NCOA1: variants seen among roughly 807,000 people sequenced by gnomAD.
NCOA1 encodes Hin-2 protein.
NCOA1 carries 35 observed loss-of-function variants against 150.9 expected under a neutral mutation model. The ratio of observed to expected loss-of-function variants is 0.23; its 90% CI spans 0.18 to 0.31. NCOA1 has a LOEUF of 0.31. NCOA1 is among the 10% of genes least tolerant of loss of function. The pLI, the probability that NCOA1 is intolerant of heterozygous loss-of-function variation, is 1.00. For synonymous variants in NCOA1, 590 were observed against 630.0 expected (o/e 0.94, Z 0.95); for missense variants, 1,491 against 1,749.3 (o/e 0.85, Z 2.63).
intron 8 of NCOA1, among the ~76,000 whole-genome samples, chr2:24,684,417 T>TTACC (rs1303686906): frequency 1.3e-5 from 2 of 152,236 alleles, no homozygotes; most frequent in African/African-American, 4.8e-5. Flanking sequence ...AAGGGCCACA[T>TTACC]TACCTGTTCT....
chr2:24,739,366 T>TA, intron 17 of NCOA1, 66 bp from the exon 18 acceptor site: 3 of 1,139,118 alleles, frequency 2.6e-6, no homozygotes, highest in Non-Finnish European at 4.0e-6. Context: ...AAGTTTGTGT[T>TA]ACTTTATAAG....
intron 1 of NCOA1, among the ~76,000 whole-genome samples, chr2:24,497,588 C>A (rs1663279972): frequency 6.6e-6 from 1 of 152,042 alleles, no homozygotes; most frequent in Non-Finnish European, 1.5e-5. Flanking sequence ...AGAAGAATTG[C>A]TTGAACCAGG....
At chr2:24,573,187 GAGAAA>G (rs1486154437) in intron 2 of NCOA1, among the ~76,000 whole-genome samples, 1 of 152,082 alleles carries the variant, frequency 6.6e-6, no homozygotes, top group Non-Finnish European at 1.5e-5. Context: ...GTGAATTTAA[GAGAAA>G]AGAAAGCAGA....
intron 4 of NCOA1, among the ~76,000 whole-genome samples, chr2:24,645,614 G>C (rs1670435253): frequency 6.6e-6 from 1 of 151,924 alleles, no homozygotes; most frequent in South Asian, 2.1e-4. Flanking sequence ...CACGTTGAGT[G>C]CCCCATATCT....
intron 8 of NCOA1, among the ~76,000 whole-genome samples, chr2:24,686,006 T>G (rs1195600753): frequency 6.6e-6 from 1 of 152,134 alleles, no homozygotes; most frequent in Non-Finnish European, 1.5e-5. Context: ...TTTTTCTTAT[T>G]TCTTTATATT....
intron 15 of NCOA1, among the ~76,000 whole-genome samples, chr2:24,727,002 G>T (rs546273293): frequency 6.6e-6 from 1 of 151,790 alleles, no homozygotes; most frequent in Admixed American, 6.6e-5. Context: ...GCCAGGCGTG[G>T]TGGTGCGCAG....
intron 14 of NCOA1, among the ~76,000 whole-genome samples, chr2:24,721,279 A>G (rs550689495): frequency 6.6e-6 from 1 of 152,190 alleles, no homozygotes; most frequent in South Asian, 2.1e-4. Context: ...ATTTATTGTA[A>G]TTTGGGGTTC....
At chr2:24,632,406 A>G (rs577278884) in intron 3 of NCOA1, among the ~76,000 whole-genome samples, 1 of 152,338 alleles carries the variant, frequency 6.6e-6, no homozygotes, top group Admixed American at 6.5e-5. Context: ...ATGCACTGAT[A>G]TCCTTCTTCA....
rs375015316 is a variant in NCOA1 at position 24,682,464 on chromosome 2, T to C, written c.355-487T>C. ...TATTATATGCCCCGTAGGACGCATA[T>C]GTCTTCTTTTGGAGACCCCTGGCTC... is the stretch of plus-strand genomic sequence containing the variant. On this transcript the variant is annotated intron_variant, in intron 7 of 22. Transcript: ENST00000348332. Among the ~76,000 whole-genome samples, 4 of 152,314 alleles carry C rather than the reference T, an allele frequency of 2.6e-5. No homozygotes were observed. The East Asian group carries it at 7.7e-4, about 29-fold the overall frequency.
intron 19 of NCOA1, among the ~76,000 whole-genome samples, chr2:24,743,101 C>A (rs2148664833): frequency 6.6e-6 from 1 of 152,288 alleles, no homozygotes; most frequent in South Asian, 2.1e-4. Flanking sequence ...TGATGAACAT[C>A]TGATTAGTCT....
At chr2:24,510,685 G>A (rs1040884942) in intron 1 of NCOA1, among the ~76,000 whole-genome samples, 1 of 149,920 alleles carries the variant, frequency 6.7e-6, no homozygotes, top group East Asian at 1.9e-4. Flanking sequence ...TTGGTAATGC[G>A]TTTATCAGAA....
At chr2:24,763,204 A>G (rs1036436345) in intron 22 of NCOA1, among the ~76,000 whole-genome samples, 2 of 152,210 alleles carry the variant, frequency 1.3e-5, no homozygotes, top group Non-Finnish European at 2.9e-5. Context: ...GTTTCAAAAC[A>G]GCACAAACAG....
At chr2:24,681,492 CGACAT>C (rs1672168994) in intron 7 of NCOA1, among the ~76,000 whole-genome samples, 1 of 152,144 alleles carries the variant, frequency 6.6e-6, no homozygotes, top group South Asian at 2.1e-4. Context: ...TTCAGTGTCA[CGACAT>C]TTTCAGTATC....
In NCOA1 at chr2:24,707,665, A is replaced by G; in HGVS notation, c.2195A>G (p.Lys732Arg). 1 of 1,614,192 alleles carries G rather than the reference A, an allele frequency of 6.2e-7. No homozygotes were observed. Among genetic ancestry groups the G allele is most frequent in the Non-Finnish European group, 8.5e-7 (1 of 1,180,030 alleles). Residue 732 changes from lysine (K) to arginine (R), a missense_variant, in exon 13 of 23, where the codon AAA (lysine) becomes AGA (arginine). By Grantham distance (26) the Lys-to-Arg change is conservative. This residue lies in a region of NCOA1 where 703 missense variants were observed against 717.7 expected (regional missense o/e 0.98). Transcript: ENST00000348332. Reference sequence around the variant, plus strand: ...CAGGTACAAGGAAACTCCAGTATAAAACTAGAACTGGATGCTTCAAAGAAA... The same window carrying G: ...CAGGTACAAGGAAACTCCAGTATAAGACTAGAACTGGATGCTTCAAAGAAA... ...TGQVQGNSSI[K>R]LELDASKKKE...
intron 6 of NCOA1, 51 bp from the exon 7 acceptor site, chr2:24,673,314 TG>T: frequency 7.8e-7 from 1 of 1,290,128 alleles, no homozygotes; most frequent in Non-Finnish European, 1.1e-6. Flanking sequence ...CTTGACTTTA[TG>T]GAAATAAGCT....
At chr2:24,580,779 G>A (rs990122668) in intron 2 of NCOA1, among the ~76,000 whole-genome samples, 1 of 152,046 alleles carries the variant, frequency 6.6e-6, no homozygotes, top group Admixed American at 6.5e-5. Flanking sequence ...CATCATCTTG[G>A]TATTGGCATC....
rs1187202598 is a variant in NCOA1 at position 24,643,996 on chromosome 2, A to T, written c.-144A>T. On this transcript the variant is annotated 5_prime_UTR_variant, in exon 4 of 23. The change abolishes the stop of an existing upstream ORF in the 5' untranslated region. Transcript: ENST00000348332. ...TATATAATTGGCCTTAAATGAGGTG[A>T]GAGTGAAGAGACTAGAGCCATCTCT... The T allele has an allele frequency of 6.6e-6, 1 of 152,120 alleles. No homozygotes were observed. Among genetic ancestry groups the T allele is most frequent in the Non-Finnish European group, 1.5e-5 (1 of 68,022 alleles). The allele number at this position is 152,120 out of a possible 1,614,324, so 9.4% of individuals were successfully genotyped here.
intron 11 of NCOA1, among the ~76,000 whole-genome samples, chr2:24,702,578 G>A (rs1673216573): frequency 1.3e-5 from 2 of 152,088 alleles, no homozygotes. Context: ...CTCTGTTGAG[G>A]CCTATTCTAG....
At chr2:24,519,495 T>C (rs541098325) in intron 1 of NCOA1, among the ~76,000 whole-genome samples, 1 of 152,100 alleles carries the variant, frequency 6.6e-6, no homozygotes, top group Admixed American at 6.6e-5. Flanking sequence ...AGTTTTTGTA[T>C]GGTATATGAC....
Sources: allele counts gnomAD v4.1 joint callset (sites outside exome capture counted in the v4.1 genomes callset), GRCh38; gene constraint gnomAD v4.1.1; regional missense constraint gnomAD v4.1.1; transcripts MANE v1.5; gene names NCBI Gene and HGNC (gene_info 2026-07-23, HGNC 2026-07-21).